XXYLT1: variants seen among roughly 807,000 people sequenced by gnomAD.
XXYLT1 encodes the protein xyloside xylosyltransferase 1, also known as UDP-xylose:alpha-xyloside alpha-1,3-xylosyltransferase.
XXYLT1 carries 20 observed loss-of-function variants against 28.9 expected under a neutral mutation model. The observed-to-expected ratio is 0.69, with a 90% CI of 0.49 to 1.00. The LOEUF (loss-of-function observed/expected upper bound fraction) is 1.00, where lower values mean the gene tolerates loss of function less well. XXYLT1 is among the 50% of genes least tolerant of loss of function. XXYLT1 has a pLI of 0.00. For missense variants in XXYLT1, 542 were observed against 560.1 expected, an observed-to-expected ratio of 0.97 and a Z score of 0.33; for synonymous variants, 257 against 253.8, an observed-to-expected ratio of 1.01 and a Z score of -0.12.
At chr3:195,110,314 G>GTGTGTGAGGTGTA (rs1560100755) in intron 3 of XXYLT1, among the ~76,000 whole-genome samples, 1 of 1,562 alleles carries the variant, frequency 6.4e-4, no homozygotes. Flanking sequence ...ATATGTGTGT[G>GTGTGTGAGGTGTA]TGGGTGAGGG....
chr3:195,226,004 A>G (rs66510151), intron 2 of XXYLT1, among the ~76,000 whole-genome samples: 10,870 of 152,232 alleles, frequency 0.071, 591 homozygotes, highest in African/African-American at 0.14. Flanking sequence ...CTTTATGAAC[A>G]GCGTGAGAAC....
chr3:195,082,411 T>C (rs1282814468), intron 3 of XXYLT1, among the ~76,000 whole-genome samples: 1 of 152,204 alleles, frequency 6.6e-6, no homozygotes, highest in Non-Finnish European at 1.5e-5. Flanking sequence ...TGCTACTGTC[T>C]GAGCAGCTGT....
At chr3:195,177,572 T>C (rs1203183763) in intron 2 of XXYLT1, among the ~76,000 whole-genome samples, 1 of 152,094 alleles carries the variant, frequency 6.6e-6, no homozygotes, top group Non-Finnish European at 1.5e-5. Flanking sequence ...TGCAGTGGCA[T>C]CATGCCAACC....
intron 2 of XXYLT1, chr3:195,175,635 A>G: frequency 4.6e-6 from 7 of 1,536,002 alleles, no homozygotes; most frequent in Non-Finnish European, 6.1e-6. Context: ...GCTCACCCGC[A>G]CTCTGCCTTC....
intron 3 of XXYLT1, among the ~76,000 whole-genome samples, chr3:195,094,419 C>T (rs1289033029): frequency 6.6e-6 from 1 of 152,204 alleles, no homozygotes; most frequent in African/African-American, 2.4e-5. Flanking sequence ...CGCATGCAGG[C>T]CCAGAGTGGC....
At chr3:195,141,458 T>C (rs1409182933) in intron 3 of XXYLT1, among the ~76,000 whole-genome samples, 1 of 152,214 alleles carries the variant, frequency 6.6e-6, no homozygotes, top group Non-Finnish European at 1.5e-5. Flanking sequence ...CATCATCAAA[T>C]CTTATAAGAC....
intron 2 of XXYLT1, among the ~76,000 whole-genome samples, chr3:195,162,289 G>A (rs1470826446): frequency 2.0e-5 from 3 of 152,138 alleles, no homozygotes; most frequent in African/African-American, 7.2e-5. Flanking sequence ...CCAGCGCTCA[G>A]CTTTGCAGGC....
At chr3:195,165,447 C>T (rs1721072143) in intron 2 of XXYLT1, among the ~76,000 whole-genome samples, 1 of 152,148 alleles carries the variant, frequency 6.6e-6, no homozygotes, top group Admixed American at 6.5e-5. Flanking sequence ...CTGACTTCTC[C>T]CTGGGACCAT....
At chr3:195,139,947 C>T (rs1039281573) in intron 3 of XXYLT1, among the ~76,000 whole-genome samples, 2 of 152,186 alleles carry the variant, frequency 1.3e-5, no homozygotes, top group Non-Finnish European at 2.9e-5. Flanking sequence ...AGGCATAAGG[C>T]GACATCTCCC....
intron 2 of XXYLT1, among the ~76,000 whole-genome samples, chr3:195,163,921 C>T (rs986886911): frequency 6.6e-6 from 1 of 152,250 alleles, no homozygotes; most frequent in Non-Finnish European, 1.5e-5. Flanking sequence ...CCTGACTTTG[C>T]TTCCTGCAAT....
intron 1 of XXYLT1, among the ~76,000 whole-genome samples, chr3:195,241,371 G>A (rs1312516897): frequency 3.3e-5 from 5 of 152,158 alleles, no homozygotes; most frequent in East Asian, 1.9e-4. Flanking sequence ...TGTATCAAAC[G>A]TGTTTCCTTA....
At position 195,256,152 on chromosome 3, in the gene XXYLT1, G is replaced by C. The variant is rs1725470174; in HGVS notation, c.504+14403C>G. Among the ~76,000 whole-genome samples, 1 of 152,206 alleles carries C rather than the reference G, an allele frequency of 6.6e-6. No homozygotes were observed. The highest frequency in any genetic ancestry group is 2.1e-4 in the South Asian group (1 of 4,834). On this transcript the variant is annotated intron_variant, in intron 1 of 3. Transcript: ENST00000310380. The surrounding 1 kb of genome is among the most constrained non-coding windows in gnomAD (Gnocchi z 4.2). ...AACCGCCAAAATCAACAGGCATCGG[G>C]CAGAGTGCTGAAGAATCAGCAAGCC... is the stretch of plus-strand genomic sequence containing the variant.
At chr3:195,130,890 C>A (rs73890688) in intron 3 of XXYLT1, among the ~76,000 whole-genome samples, 11 of 152,068 alleles carry the variant, frequency 7.2e-5, no homozygotes, top group Non-Finnish European at 1.6e-4. Context: ...GCACCAACTG[C>A]GGCTTTGTCC....
intron 3 of XXYLT1, among the ~76,000 whole-genome samples, chr3:195,108,482 G>T (rs1229541392): frequency 2.6e-5 from 4 of 152,180 alleles, no homozygotes; most frequent in Non-Finnish European, 4.4e-5. Flanking sequence ...AAATCGTAAA[G>T]AAAAAACAAC....
At chr3:195,218,005 C>G (rs1439755066) in intron 2 of XXYLT1, among the ~76,000 whole-genome samples, 1 of 149,760 alleles carries the variant, frequency 6.7e-6, no homozygotes, top group Non-Finnish European at 1.5e-5. Flanking sequence ...TCAGAAATAA[C>G]GCCGCATGTC....
At chr3:195,143,237 C>G (rs1719584303) in intron 3 of XXYLT1, among the ~76,000 whole-genome samples, 1 of 152,132 alleles carries the variant, frequency 6.6e-6, no homozygotes, top group Non-Finnish European at 1.5e-5. Context: ...GGGGTCAGTT[C>G]CCAAGAGCAG....
chr3:195,171,057 G>A (rs572980438), intron 2 of XXYLT1, among the ~76,000 whole-genome samples: 4 of 152,282 alleles, frequency 2.6e-5, no homozygotes, highest in East Asian at 3.9e-4. Context: ...ACAATGAGGT[G>A]GAAGGTGATG....
intron 2 of XXYLT1, among the ~76,000 whole-genome samples, chr3:195,156,980 C>T (rs557394592): frequency 6.2e-4 from 94 of 152,250 alleles, no homozygotes; most frequent in African/African-American, 2.2e-3. Context: ...CACAGTGGCT[C>T]ACATCTGTAA....
rs887327915 is a variant in XXYLT1 at position 195,256,461 on chromosome 3, G to C, written c.504+14094C>G. On this transcript the variant is annotated intron_variant, in intron 1 of 3. Transcript: ENST00000310380. The surrounding 1 kb of genome is among the most constrained non-coding windows in gnomAD (Gnocchi z 4.2). ...AGGGCAGGGCCCGAGAAACGAACCA[G>C]TACCTCCCAGAGGACGGAAGGGAAG... 78 of 984,594 alleles carry C rather than the reference G, an allele frequency of 7.9e-5. No individual in the cohort carries two copies. The highest frequency in any genetic ancestry group is 1.2e-4 in the Admixed American group (2 of 16,268). The allele number at this position is 984,594 out of a possible 1,614,324, so 61.0% of individuals were successfully genotyped here.
Sources: gnomAD v4.1 joint callset for allele counts (sites outside exome capture counted in the v4.1 genomes callset) on GRCh38, gnomAD v4.1.1 for gene constraint, Gnocchi (gnomAD v3.1) non-coding constraint, MANE v1.5 for transcripts, NCBI Gene and HGNC (gene_info 2026-07-23, HGNC 2026-07-21) for gene names.